The following PAK6 variants were observed in gnomAD, a reference collection of about 807,000 sequenced individuals.
The protein encoded by PAK6 is p21 (RAC1) activated kinase 6.
A neutral mutation model predicts 60.8 loss-of-function variants in PAK6; 33 were observed. That is an observed-to-expected ratio of 0.54 (90% CI 0.41 to 0.73). The LOEUF (loss-of-function observed/expected upper bound fraction) is 0.73. PAK6 is among the 30% of genes least tolerant of loss of function. The probability of loss-of-function intolerance (pLI) is 0.00; values close to 1 mark genes in which losing one functional copy is unlikely to be tolerated. For missense variants in PAK6, 845 were observed against 904.1 expected (o/e 0.93, Z 0.84); for synonymous variants, 404 against 378.5 (o/e 1.07, Z -0.78).
intron 5 of PAK6, among the ~76,000 whole-genome samples, chr15:40,269,282 G>A (rs1174901444): frequency 6.6e-6 from 1 of 152,216 alleles, no homozygotes; most frequent in Admixed American, 6.5e-5. Flanking sequence ...GCCTCCCAAA[G>A]TGCTGGGATT....
exon 2 of PAK6, chr15:40,240,640 G>C (rs1260837012): frequency 2.3e-6 from 1 of 444,204 alleles, no homozygotes; most frequent in East Asian, 7.3e-5. Context: ...CCAGCCTGCA[G>C]TGGAGAACGC....
intron 4 of PAK6, among the ~76,000 whole-genome samples, chr15:40,265,447 G>A (rs535710586): frequency 6.6e-6 from 1 of 152,178 alleles, no homozygotes; most frequent in African/African-American, 2.4e-5. Flanking sequence ...AGTGTGTGTG[G>A]AGGAGCCCCC....
At chr15:40,262,104 C>G (rs996168865) in intron 3 of PAK6, among the ~76,000 whole-genome samples, 1 of 152,170 alleles carries the variant, frequency 6.6e-6, no homozygotes, top group Admixed American at 6.5e-5. Flanking sequence ...GTCTGTGTCC[C>G]TGCACCTCCA....
chr15:40,247,612 C>A (rs1287137190), intron 2 of PAK6, among the ~76,000 whole-genome samples: 2 of 152,100 alleles, frequency 1.3e-5, no homozygotes, highest in African/African-American at 4.8e-5. Flanking sequence ...AGATGCAGAA[C>A]CTGAGGGAAA....
chr15:40,256,213 A>G (rs1349573316), intron 3 of PAK6, among the ~76,000 whole-genome samples: 1 of 152,186 alleles, frequency 6.6e-6, no homozygotes, highest in African/African-American at 2.4e-5. Context: ...CGACTGAGTG[A>G]GACTCTGTCT....
intron 1 of PAK6, among the ~76,000 whole-genome samples, chr15:40,240,261 G>A (rs1029291703): frequency 1.1e-4 from 17 of 152,332 alleles, no homozygotes; most frequent in African/African-American, 3.4e-4. Context: ...ACCCATGTGC[G>A]TCTCTGCTGA....
chr15:40,263,445 A>G (rs1394617296), intron 3 of PAK6, among the ~76,000 whole-genome samples: 2 of 151,924 alleles, frequency 1.3e-5, no homozygotes, highest in Non-Finnish European at 2.9e-5. Flanking sequence ...AACTAGAGCA[A>G]CCCTTTGGAA....
chr15:40,244,460 C>T (rs927774741), intron 2 of PAK6, among the ~76,000 whole-genome samples: 10 of 150,620 alleles, frequency 6.6e-5, no homozygotes, highest in Non-Finnish European at 1.0e-4. Flanking sequence ...TGCAGTGGCA[C>T]GATCTTGGCT....
At chr15:40,264,451 A>C in intron 3 of PAK6, 3 of 491,966 alleles carry the variant, frequency 6.1e-6, no homozygotes, top group African/African-American at 1.9e-5. Flanking sequence ...AGACAGTGGA[A>C]TGATACTTGT....
chr15:40,260,895 A>AT (rs34624849), intron 3 of PAK6, among the ~76,000 whole-genome samples: 99,907 of 148,650 alleles, frequency 0.67, 34,588 homozygotes, highest in Non-Finnish European at 0.76. Context: ...TAAAAATTTC[A>AT]TTTTTTTTTT....
exon 10 of PAK6, chr15:40,274,149 T>G: frequency 6.2e-6 from 10 of 1,614,028 alleles, no homozygotes; most frequent in Non-Finnish European, 8.5e-6. Flanking sequence ...CAGGTGGATA[T>G]CTGGTCTCTG....
At chr15:40,262,342 A>G (rs1185253226) in intron 3 of PAK6, among the ~76,000 whole-genome samples, 1 of 152,176 alleles carries the variant, frequency 6.6e-6, no homozygotes, top group Admixed American at 6.5e-5. Flanking sequence ...CGTCTCTACT[A>G]AAAATACAAA....
intron 10 of PAK6, among the ~76,000 whole-genome samples, chr15:40,275,280 G>GTTTTTT (rs869058525): frequency 0.19 from 10,252 of 55,364 alleles, 2,769 homozygotes; most frequent in East Asian, 0.35. Context: ...GTTGTTGTTG[G>GTTTTTT]TTTTTTTTTT....
At chr15:40,256,349 C>G (rs2038834445) in intron 3 of PAK6, among the ~76,000 whole-genome samples, 1 of 152,158 alleles carries the variant, frequency 6.6e-6, no homozygotes, top group Non-Finnish European at 1.5e-5. Flanking sequence ...GCCAAGGGGT[C>G]AGGTGAGGCC....
chr15:40,267,734 A>T (rs1195238775), intron 5 of PAK6, among the ~76,000 whole-genome samples: 2 of 152,064 alleles, frequency 1.3e-5, no homozygotes, highest in Non-Finnish European at 2.9e-5. Context: ...GTGGGTTGGG[A>T]TCCCCATGGG....
In PAK6 at chr15:40,273,007, G is replaced by A. The variant is rs2140992960; in HGVS notation, c.1490+8G>A. On this transcript the variant is annotated splice_region_variant and intron_variant, in intron 7 of 10. Transcript: ENST00000560346. Reference sequence around the variant, plus strand: ...CATCGTCTCCCAAGTCAGGTGGGCAGCTGGGAGGGCTGGACCCTGAGTGCA... The same window carrying A: ...CATCGTCTCCCAAGTCAGGTGGGCAACTGGGAGGGCTGGACCCTGAGTGCA... 1.9e-6 allele frequency: 3 copies of A among 1,612,984 alleles called. No homozygotes were observed. Among genetic ancestry groups the A allele is most frequent in the East Asian group, 2.2e-5 (1 of 44,868 alleles).
chr15:40,264,581 C>T, intron 3 of PAK6, 200 bp from the exon 4 acceptor site: 1 of 631,816 alleles, frequency 1.6e-6, no homozygotes, highest in South Asian at 1.8e-5. Context: ...TTATTTATGG[C>T]ACGTTTGTTG....
At position 40,240,582 on chromosome 15, in the gene PAK6, T is replaced by TTTTTTTTTTTC; in HGVS notation, c.-200-16_-200-15insTTTTTTTTTCT. ...TTTTCCTTTTTTTTTTTTTTTTTTT[T>TTTTTTTTTTTC]TCTATTTTGCCTGAAGGGAGTGCCG... On this transcript the variant is annotated splice_polypyrimidine_tract_variant and intron_variant, in intron 1 of 10. Coordinates refer to ENST00000560346, the Ensembl canonical transcript of PAK6. The TTTTTTTTTTTC allele has an allele frequency of 2.4e-6, 1 of 413,526 alleles. No individual in the cohort carries two copies. The highest frequency in any genetic ancestry group is 4.7e-6 in the Non-Finnish European group (1 of 214,460). 25.6% of individuals were successfully genotyped at this position (413,526 alleles called of 1,614,324 possible).
intron 2 of PAK6, among the ~76,000 whole-genome samples, chr15:40,243,540 C>T (rs2038415388): frequency 6.6e-6 from 1 of 152,170 alleles, no homozygotes; most frequent in Non-Finnish European, 1.5e-5. Context: ...ACTATTATCA[C>T]CGTGATGATA....
Sources: gnomAD v4.1 joint callset for allele counts (sites outside exome capture counted in the v4.1 genomes callset) on GRCh38, gnomAD v4.1.1 for gene constraint, MANE v1.5 for transcripts, NCBI Gene and HGNC (gene_info 2026-07-23, HGNC 2026-07-21) for gene names.